The following COLEC10 variants were observed in gnomAD, a reference collection of about 807,000 sequenced individuals.
COLEC10 encodes collectin subfamily member 10.
COLEC10 carries 22 observed loss-of-function variants against 28.4 expected under a neutral mutation model. The ratio of observed to expected loss-of-function variants is 0.78; its 90% CI spans 0.55 to 1.11. The LOEUF is 1.11. COLEC10 is among the 50% of genes least tolerant of loss of function. The pLI is 0.00. For missense variants in COLEC10, 361 were observed against 344.1 expected, an observed-to-expected ratio of 1.05 and a Z score of -0.39; for synonymous variants, 125 against 116.1, an observed-to-expected ratio of 1.08 and a Z score of -0.49.
the COLEC10 span, among the ~76,000 whole-genome samples, chr8:118,970,343 G>A: frequency 2.0e-5 from 3 of 152,100 alleles, no homozygotes; most frequent in South Asian, 2.1e-4. Context: ...ATAGGCTCTC[G>A]ATGACTGTAG....
At chr8:119,024,765 A>G (rs953921569) in intron 2 of COLEC10, among the ~76,000 whole-genome samples, 2 of 152,112 alleles carry the variant, frequency 1.3e-5, no homozygotes, top group East Asian at 3.9e-4. Context: ...CAGAAACATG[A>G]AGGCCTCAGG....
the COLEC10 span, among the ~76,000 whole-genome samples, chr8:118,976,796 A>G: frequency 6.6e-6 from 1 of 152,198 alleles, no homozygotes. Context: ...AGAAACTACC[A>G]TCAGAGTGAA....
rs1281956338 is a variant in COLEC10, at chr8:119,021,203, C to A, written n.235+11650C>A. ...CAATTTAAATCTATAATGTTAGCTC[C>A]ATTTATATTATTTTGTGGAAAGGCA... On this transcript the variant is annotated intron_variant and non_coding_transcript_variant, in intron 2 of 6. Transcript: ENST00000521788. 2.0e-5 allele frequency among the ~76,000 whole-genome samples: 3 copies of A among 152,110 alleles called. No homozygotes were observed. In the East Asian group the frequency reaches 5.8e-4, roughly 29 times the overall value.
chr8:118,990,676 T>C (rs17758204), upstream of COLEC10, among the ~76,000 whole-genome samples: 5,078 of 152,232 alleles, frequency 0.033, 158 homozygotes, highest in East Asian at 0.13. Context: ...GGGTGCAATA[T>C]GACCCTGCTG....
At chr8:119,065,120 C>A (rs747850774), upstream of COLEC10, among the ~76,000 whole-genome samples, 1 of 152,172 alleles carries the variant, frequency 6.6e-6, no homozygotes, top group Admixed American at 6.5e-5. Flanking sequence ...TACCTCAAAG[C>A]AAATTTCTGC....
chr8:119,081,573 A>G (rs561627492), intron 1 of COLEC10, among the ~76,000 whole-genome samples: 54 of 152,294 alleles, frequency 3.5e-4, no homozygotes, highest in Admixed American at 2.9e-3. Flanking sequence ...AATGAAAAAA[A>G]TGTTTTTCGA....
chr8:118,959,112 T>A, the COLEC10 span, among the ~76,000 whole-genome samples: 2 of 152,264 alleles, frequency 1.3e-5, no homozygotes, highest in Non-Finnish European at 2.9e-5. Context: ...TTAGTGGTTG[T>A]TAGATGTGGG....
upstream of COLEC10, among the ~76,000 whole-genome samples, chr8:118,993,425 G>A (rs1813538330): frequency 6.6e-6 from 1 of 152,072 alleles, no homozygotes; most frequent in Admixed American, 6.6e-5. Context: ...CTCCATCTCG[G>A]CTCACTGCAA....
chr8:119,051,876 C>T (rs1462508899), intron 2 of COLEC10, among the ~76,000 whole-genome samples: 1 of 152,174 alleles, frequency 6.6e-6, no homozygotes, highest in East Asian at 1.9e-4. Flanking sequence ...GGCTTTGGGG[C>T]TTGAATCCTA....
At chr8:118,994,507 G>A (rs920830422), upstream of COLEC10, among the ~76,000 whole-genome samples, 1 of 152,164 alleles carries the variant, frequency 6.6e-6, no homozygotes, top group Non-Finnish European at 1.5e-5. Flanking sequence ...AATGCTTCAC[G>A]TGTATGTTTA....
At chr8:119,049,417 T>C (rs1814638680) in intron 2 of COLEC10, among the ~76,000 whole-genome samples, 1 of 129,342 alleles carries the variant, frequency 7.7e-6, no homozygotes, top group South Asian at 2.9e-4. Context: ...TTTTTTTTTT[T>C]TTTTTTTTTT....
intron 1 of COLEC10, among the ~76,000 whole-genome samples, chr8:119,076,364 CA>C (rs1407705224): frequency 1.3e-5 from 2 of 151,314 alleles, no homozygotes; most frequent in Non-Finnish European, 2.9e-5. Flanking sequence ...CAGGTACAAG[CA>C]ATTCTCCTGC....
the COLEC10 span, among the ~76,000 whole-genome samples, chr8:118,986,007 A>T: frequency 6.6e-6 from 1 of 152,138 alleles, no homozygotes; most frequent in Non-Finnish European, 1.5e-5. Flanking sequence ...TGCAGTAAAC[A>T]AATGCAGCAC....
chr8:119,022,222 T>G (rs1044435971), intron 2 of COLEC10, among the ~76,000 whole-genome samples: 1 of 152,164 alleles, frequency 6.6e-6, no homozygotes. Context: ...ATTCTATGTG[T>G]TCTGTGATAA....
chr8:119,073,096 T>A (rs1296392575), intron 1 of COLEC10, among the ~76,000 whole-genome samples: 3 of 152,206 alleles, frequency 2.0e-5, no homozygotes, highest in African/African-American at 7.2e-5. Flanking sequence ...CCCTCAGGGA[T>A]AATTTGGTTT....
chr8:119,007,817 T>A (rs570049048), intron 1 of COLEC10, among the ~76,000 whole-genome samples: 13 of 151,016 alleles, frequency 8.6e-5, no homozygotes, highest in Non-Finnish European at 1.3e-4. Flanking sequence ...AATTCACTAA[T>A]TATGTGCCTT....
At chr8:119,049,993 C>T (rs774786554) in intron 2 of COLEC10, among the ~76,000 whole-genome samples, 5 of 152,134 alleles carry the variant, frequency 3.3e-5, no homozygotes, top group African/African-American at 7.2e-5. Flanking sequence ...AGTTGATTGC[C>T]TGTTCTCATG....
At chr8:118,996,210 C>G (rs1813586426) in intron 1 of COLEC10, among the ~76,000 whole-genome samples, 1 of 152,180 alleles carries the variant, frequency 6.6e-6, no homozygotes, top group Admixed American at 6.5e-5. Flanking sequence ...ATGATAGTTT[C>G]CTTTGGCTAA....
intron 2 of COLEC10, among the ~76,000 whole-genome samples, chr8:119,029,341 A>G (rs967567058): frequency 6.6e-6 from 1 of 152,222 alleles, no homozygotes; most frequent in Non-Finnish European, 1.5e-5. Flanking sequence ...GGAGACGATC[A>G]GCAATCTGGA....
Sources: allele counts gnomAD v4.1 joint callset (sites outside exome capture counted in the v4.1 genomes callset), GRCh38; gene constraint gnomAD v4.1.1; transcripts MANE v1.5; gene names NCBI Gene and HGNC (gene_info 2026-07-23, HGNC 2026-07-21).